PKD1L1: variants seen among roughly 807,000 people sequenced by gnomAD.
The protein encoded by PKD1L1 is polycystin-1-like protein 1.
In PKD1L1, 236 loss-of-function variants were observed where a neutral mutation model predicts 323.4. The ratio of observed to expected loss-of-function variants is 0.73; its 90% CI spans 0.66 to 0.81. The LOEUF is 0.81. PKD1L1 is among the 40% of genes least tolerant of loss of function. The probability of loss-of-function intolerance (pLI) is 0.00; values close to 1 mark genes in which losing one functional copy is unlikely to be tolerated. For synonymous variants in PKD1L1, 1,344 were observed against 1,335.0 expected (o/e 1.01, Z -0.15); for missense variants, 3,320 against 3,508.0 (o/e 0.95, Z 1.35).
chr7:47,960,377 T>TTA, the PKD1L1 span, among the ~76,000 whole-genome samples: 102 of 89,532 alleles, frequency 1.1e-3, 1 homozygote, highest in East Asian at 0.011. Context: ...AAAAAAAAAT[T>TTA]AAAAAAAAAA....
intron 36 of PKD1L1, among the ~76,000 whole-genome samples, chr7:47,837,397 T>C (rs1031709057): frequency 1.3e-5 from 2 of 152,152 alleles, no homozygotes; most frequent in Admixed American, 1.3e-4. Flanking sequence ...GGCAGCCCCC[T>C]TGCTACAGCC....
chr7:47,834,935 G>A, intron 39 of PKD1L1, 32 bp downstream of exon 39: 3 of 1,587,810 alleles, frequency 1.9e-6, no homozygotes, highest in South Asian at 2.2e-5. Flanking sequence ...CAGCCCCACG[G>A]AGAGTTTCTG....
intron 54 of PKD1L1, among the ~76,000 whole-genome samples, chr7:47,799,629 G>T (rs1203902348): frequency 6.6e-6 from 1 of 152,206 alleles, no homozygotes; most frequent in Non-Finnish European, 1.5e-5. Context: ...GTCCAGGGGA[G>T]AATCGGTGCT....
chr7:47,904,282 A>G, intron 12 of PKD1L1, 96 bp downstream of exon 12: 1 of 1,523,294 alleles, frequency 6.6e-7, no homozygotes, highest in South Asian at 1.2e-5. Context: ...GTTGACTGAC[A>G]GGCAGGTCTC....
Position 47,811,887 on chromosome 7 carries a change from G to A in PKD1L1, c.7511C>T (p.Ser2504Leu). 3 of 1,611,100 alleles carry A rather than the reference G, an allele frequency of 1.9e-6. No individual in the cohort carries two copies. The highest frequency in any genetic ancestry group is 2.5e-6 in the Non-Finnish European group (3 of 1,178,870). ...EILPTGSLVP[S>L]SLVESFSIFR... Reference sequence around the variant, plus strand: ...GATGCTGAATGACTCCACCAGGGATGAGGGGACGAGACTCCCCGTAGGGAG... The same window carrying A: ...GATGCTGAATGACTCCACCAGGGATAAGGGGACGAGACTCCCCGTAGGGAG... Residue 2504 changes from serine to leucine, a missense_variant, in exon 50 of 57, where the codon TCA (serine) becomes TTA (leucine). Coordinates refer to ENST00000289672, the MANE Select transcript of PKD1L1 (RefSeq NM_138295.5).
chr7:47,952,256 G>T (rs553451072), upstream of PKD1L1, among the ~76,000 whole-genome samples: 34 of 152,290 alleles, frequency 2.2e-4, no homozygotes, highest in African/African-American at 7.9e-4. Flanking sequence ...CCTTTGAGCT[G>T]GTTCCCAGAG....
chr7:47,946,068 C>T lies in PKD1L1; in HGVS notation c.44+2329G>A, dbSNP rs188032937. Among the ~76,000 whole-genome samples the T allele has an allele frequency of 2.0e-5, 3 of 152,142 alleles. No homozygotes were observed. The East Asian group carries it at 5.8e-4, about 29-fold the overall frequency. ...TTAAATACAAGGGAGGCTCTTTTTC[C>T]TGGTGTTGTGAGGAGGCAGGTCCCC... On this transcript the variant is annotated intron_variant, in intron 1 of 56. Coordinates refer to ENST00000289672, the MANE Select transcript of PKD1L1 (RefSeq NM_138295.5). The surrounding 1 kb of genome is among the most constrained non-coding windows in gnomAD (Gnocchi z 4.1).
chr7:47,881,303 G>C (rs9691411), intron 20 of PKD1L1, among the ~76,000 whole-genome samples: 4 of 151,750 alleles, frequency 2.6e-5, no homozygotes, highest in African/African-American at 9.7e-5. Context: ...AGGAGAGATC[G>C]GAAATACAAG....
intron 20 of PKD1L1, among the ~76,000 whole-genome samples, chr7:47,881,482 G>A (rs575089396): frequency 8.8e-4 from 134 of 152,190 alleles, no homozygotes; most frequent in South Asian, 8.1e-3. Flanking sequence ...AACACGAAAG[G>A]GGGAAATACA....
At chr7:47,912,038 A>T (rs950176300) in intron 8 of PKD1L1, among the ~76,000 whole-genome samples, 2 of 152,148 alleles carry the variant, frequency 1.3e-5, no homozygotes, top group Non-Finnish European at 2.9e-5. Context: ...CATGTACAAG[A>T]TACTATAAGA....
intron 2 of PKD1L1, among the ~76,000 whole-genome samples, chr7:47,941,910 CTAAG>C (rs767871626): frequency 1.3e-4 from 20 of 152,250 alleles, no homozygotes; most frequent in East Asian, 9.6e-4. Context: ...GAGAAATAAA[CTAAG>C]TGAGTGAAAC....
intron 25 of PKD1L1, 94 bp downstream of exon 25, chr7:47,866,325 A>C: frequency 7.4e-7 from 1 of 1,347,102 alleles, no homozygotes. Flanking sequence ...TGTGTTTCAT[A>C]AGCATGACCA....
At chr7:47,937,237 C>G (rs1018797237) in intron 3 of PKD1L1, among the ~76,000 whole-genome samples, 2 of 12,472 alleles carry the variant, frequency 1.6e-4, no homozygotes, top group Non-Finnish European at 3.0e-4. Context: ...GGGATTCGTG[C>G]GGGGTCGGGA....
At chr7:47,814,110 C>G (rs574126844) in intron 47 of PKD1L1, 96 bp from the exon 48 acceptor site, 1 of 863,154 alleles carries the variant, frequency 1.2e-6, no homozygotes, top group South Asian at 1.5e-5. Flanking sequence ...CTGGGTAACT[C>G]CACCTGCTAC....
intron 14 of PKD1L1, among the ~76,000 whole-genome samples, chr7:47,895,848 G>A (rs980800794): frequency 2.0e-5 from 3 of 152,150 alleles, no homozygotes; most frequent in African/African-American, 7.2e-5. Flanking sequence ...TTAATTAGTT[G>A]ATGTTTGGTG....
At chr7:47,905,773 G>A (rs1199712264) in intron 10 of PKD1L1, 70 bp downstream of exon 10, 9 of 1,584,290 alleles carry the variant, frequency 5.7e-6, no homozygotes, top group South Asian at 1.2e-5. Flanking sequence ...TGCTGCCTAC[G>A]GCTTTCCTAA....
At position 47,929,383 on chromosome 7, in the gene PKD1L1, AGAACAGGGTTCAT is replaced by A; in HGVS notation, c.868_880del (p.Met290LeufsTer29). The A allele has an allele frequency of 6.2e-7, 1 of 1,614,252 alleles. No individual in the cohort carries two copies. The highest frequency in any genetic ancestry group is 8.5e-7 in the Non-Finnish European group (1 of 1,180,042). On this transcript the variant is annotated frameshift_variant, in exon 7 of 57. Transcript: ENST00000289672. LOFTEE classifies it high-confidence loss of function. ...AGCTTCCACTTCCAGGGAGCAATTAAGAACAGGGTTCATGAAGTTATCAGAATTTCGAGCTAGG... is the reference window on the plus strand; with the variant it reads ...AGCTTCCACTTCCAGGGAGCAATTAAGAAGTTATCAGAATTTCGAGCTAGG...
intron 54 of PKD1L1, among the ~76,000 whole-genome samples, chr7:47,798,264 C>G (rs1346433772): frequency 6.6e-6 from 1 of 152,128 alleles, no homozygotes; most frequent in Admixed American, 6.5e-5. Context: ...AGATATAGAT[C>G]CACACAGATA....
chr7:47,896,682 T>C (rs1161267360), intron 14 of PKD1L1, among the ~76,000 whole-genome samples: 1 of 152,146 alleles, frequency 6.6e-6, no homozygotes, highest in African/African-American at 2.4e-5. Flanking sequence ...TAGTGCTGTT[T>C]TCATTAGGAA....
Sources: gnomAD v4.1 joint callset for allele counts (sites outside exome capture counted in the v4.1 genomes callset) on GRCh38, gnomAD v4.1.1 for gene constraint, Gnocchi (gnomAD v3.1) non-coding constraint, MANE v1.5 for transcripts, NCBI Gene and HGNC (gene_info 2026-07-23, HGNC 2026-07-21) for gene names.